THAP4: variants seen among roughly 807,000 people sequenced by gnomAD.
THAP4 encodes THAP domain containing 4, also known as peroxynitrite isomerase THAP4.
Under a neutral mutation model 48.1 loss-of-function variants are expected in THAP4, and 18 were observed. The ratio of observed to expected loss-of-function variants is 0.37; its 90% confidence interval spans 0.26 to 0.56. THAP4 has a LOEUF of 0.56. THAP4 is among the 20% of genes least tolerant of loss of function. The pLI, the probability that THAP4 is intolerant of heterozygous loss-of-function variation, is 0.78. For synonymous variants in THAP4, 345 were observed against 324.9 expected (o/e 1.06, Z -0.66); for missense variants, 656 against 774.9 (o/e 0.85, Z 1.82).
chr2:241,586,927 A>G (rs2066902537), intron 5 of THAP4, among the ~76,000 whole-genome samples: 1 of 152,212 alleles, frequency 6.6e-6, no homozygotes, highest in African/African-American at 2.4e-5. Flanking sequence ...AACACAAGCA[A>G]TATTTGAAAA....
intron 5 of THAP4, among the ~76,000 whole-genome samples, chr2:241,596,055 T>C (rs932201923): frequency 3.3e-5 from 5 of 152,218 alleles, no homozygotes; most frequent in African/African-American, 1.2e-4. Context: ...CTGACCGTGC[T>C]CCATGTCCTT....
At position 241,603,079 on chromosome 2, in the gene THAP4, C is replaced by T. The variant is rs2067137369; in HGVS notation, c.1401G>A (p.Ser467=). ...GCGTGTCCGGGTGGAAGGAGTTGAA[C>T]CTGGACGGGAAGTTGGAGTTGAGAA... ...SHVGQPMLNF[S]FNSFHPDTRK... is the part of the protein sequence containing the mutation. The change falls in exon 4 of 6, where the codon TCG becomes TCA. Residue 467 remains serine (S), a splice_region_variant and synonymous_variant. Transcript: ENST00000407315. 6.2e-7 allele frequency: 1 copy of T among 1,613,502 alleles called. No homozygotes were observed. Among genetic ancestry groups the T allele is most frequent in the Non-Finnish European group, 8.5e-7 (1 of 1,179,582 alleles).
At chr2:241,587,418 T>C (rs2066907549) in intron 5 of THAP4, among the ~76,000 whole-genome samples, 1 of 151,922 alleles carries the variant, frequency 6.6e-6, no homozygotes, top group Admixed American at 6.6e-5. Flanking sequence ...GGACCAAGAG[T>C]GACACCACTG....
At position 241,616,006 on chromosome 2, in the gene THAP4, G is replaced by T. The variant is rs2067340767; in HGVS notation, c.1241-9533C>A. 6.6e-6 allele frequency among the ~76,000 whole-genome samples: 1 copy of T among 152,216 alleles called. No individual in the cohort carries two copies. Among genetic ancestry groups the T allele is most frequent in the South Asian group, 2.1e-4 (1 of 4,834 alleles). ...GGACACACTCTGCCCCAGTCCTGCA[G>T]CTGGAGCAGCCCAGAGCCCCTGCCA... On this transcript the variant is annotated intron_variant, in intron 2 of 5. Coordinates refer to ENST00000407315, the MANE Select transcript of THAP4 (RefSeq NM_015963.6). This position sits in a 1 kb window ranked among gnomAD's most constrained non-coding sequence, Gnocchi z 4.6.
At position 241,625,797 on chromosome 2, in the gene THAP4, C is replaced by CAA. The variant is rs147602587; in HGVS notation, c.1240+7118_1240+7119dup. ...TGGGCAACAGAGCAAGACTCCGTCTCAAAAAAAAAAAAAAAAAAAAAAAAA... is the reference window on the plus strand; with the variant it reads ...TGGGCAACAGAGCAAGACTCCGTCTCAAAAAAAAAAAAAAAAAAAAAAAAAAA... On this transcript the variant is annotated intron_variant, in intron 2 of 5. Coordinates refer to ENST00000407315, the MANE Select transcript of THAP4 (RefSeq NM_015963.6). Among the ~76,000 whole-genome samples, 473 of 50,140 alleles carry CAA rather than the reference C, an allele frequency of 9.4e-3. 38 individuals carry two copies. The highest frequency in any genetic ancestry group is 9.5e-3 in the Non-Finnish European group (297 of 31,108). 32.9% of individuals were successfully genotyped at this position (50,140 alleles called of 152,430 possible).
intron 2 of THAP4, among the ~76,000 whole-genome samples, chr2:241,630,905 A>G (rs937578730): frequency 1.3e-5 from 2 of 151,846 alleles, no homozygotes; most frequent in South Asian, 2.1e-4. Context: ...AGGGGCCTGT[A>G]ATCCTAGCTC....
chr2:241,602,029 G>A (rs771881349), intron 4 of THAP4, 30 bp from the exon 5 acceptor site: 11 of 1,601,672 alleles, frequency 6.9e-6, no homozygotes, highest in African/African-American at 1.3e-5. Context: ...AGCTCACCCA[G>A]CAGCTGCTCG....
In THAP4 at chr2:241,637,029, G is replaced by T; in HGVS notation, c.-12C>A. 1.6e-6 allele frequency: 2 copies of T among 1,250,846 alleles called. No homozygotes were observed. Among genetic ancestry groups the T allele is most frequent in the East Asian group, 5.6e-5 (1 of 17,976 alleles). The allele number at this position is 1,250,846 out of a possible 1,614,324, so 77.5% of individuals were successfully genotyped here. A position where few individuals can be genotyped will look rare whatever the true frequency, so the allele number is the denominator to read the frequency against. On this transcript the variant is annotated 5_prime_UTR_variant, in exon 1 of 6. Coordinates refer to ENST00000407315, the MANE Select transcript of THAP4 (RefSeq NM_015963.6). ...CAGCAGATCACCATCGCGGGCCTTG[G>T]CCCAGCCGCGCAGCCAGGCCCCGGC...
chr2:241,624,766 T>C (rs945247153), intron 2 of THAP4, among the ~76,000 whole-genome samples: 1 of 152,250 alleles, frequency 6.6e-6, no homozygotes, highest in Non-Finnish European at 1.5e-5. Flanking sequence ...CTTCTGTTTA[T>C]GGCTTGGTCT....
At chr2:241,626,653 T>A (rs1452849848) in intron 2 of THAP4, among the ~76,000 whole-genome samples, 2 of 151,446 alleles carry the variant, frequency 1.3e-5, no homozygotes, top group African/African-American at 4.8e-5. Context: ...AACCTCCACC[T>A]CCCGGGTTCA....
In THAP4 at chr2:241,633,796, T is replaced by G. The variant is rs7424328; in HGVS notation, c.361A>C (p.Ser121Arg). Residue 121 changes from serine to arginine, a missense_variant, in exon 2 of 6, where the codon AGC becomes CGC. By Grantham distance (110) the Ser-to-Arg change is moderately radical. Transcript: ENST00000407315. The surrounding 1 kb of genome is among the most constrained non-coding windows in gnomAD (Gnocchi z 7.5). ...GVRGHSSAAT[S>R]RGAAGWSPSS... is the part of the protein sequence containing the mutation. ...GGTGACCAACCTGCAGCTCCTCTGC[T>G]GGTGGCGGCACTCGAGTGTCCCCTC... 6.2e-7 allele frequency: 1 copy of G among 1,613,230 alleles called. No homozygotes were observed. Among genetic ancestry groups the G allele is most frequent in the Non-Finnish European group, 8.5e-7 (1 of 1,179,488 alleles).
chr2:241,608,388 T>C (rs2067216147), intron 2 of THAP4, among the ~76,000 whole-genome samples: 1 of 152,264 alleles, frequency 6.6e-6, no homozygotes, highest in African/African-American at 2.4e-5. Flanking sequence ...TTTTTTGTTT[T>C]TCTTAAATGA....
At chr2:241,585,896 G>A (rs2066887542) in intron 5 of THAP4, among the ~76,000 whole-genome samples, 1 of 107,478 alleles carries the variant, frequency 9.3e-6, no homozygotes, top group Non-Finnish European at 1.8e-5. Flanking sequence ...CTGGGTGACA[G>A]AGCAAGACTC....
chr2:241,634,882 T>C (rs748361051), intron 1 of THAP4, among the ~76,000 whole-genome samples: 10 of 152,092 alleles, frequency 6.6e-5, no homozygotes, highest in Non-Finnish European at 1.2e-4. Context: ...CTGAATGAAA[T>C]AGGGCAGGTG....
intron 2 of THAP4, among the ~76,000 whole-genome samples, chr2:241,624,838 G>C (rs1326575532): frequency 2.0e-5 from 3 of 152,146 alleles, no homozygotes; most frequent in African/African-American, 7.2e-5. Flanking sequence ...ACATTCCAAG[G>C]GATTAGGAGC....
chr2:241,633,218 C>T lies in THAP4; in HGVS notation c.939G>A (p.Thr313=), dbSNP rs774130230. The change falls in exon 2 of 6, where the codon ACG becomes ACA. Residue 313 remains threonine (T), a synonymous_variant. Transcript: ENST00000407315. The surrounding 1 kb of genome is among the most constrained non-coding windows in gnomAD (Gnocchi z 7.5). ...PPADVTPKPA[T]EAVQSEHSDA... ...CGCTGTGCTCGCTCTGCACGGCTTCCGTGGCTGGCTTTGGGGTGACGTCGG... is the reference window on the plus strand; with the variant it reads ...CGCTGTGCTCGCTCTGCACGGCTTCTGTGGCTGGCTTTGGGGTGACGTCGG... 3.3e-5 allele frequency: 53 copies of T among 1,609,196 alleles called. No homozygotes were observed. The highest frequency in any genetic ancestry group is 1.8e-4 in the Admixed American group (11 of 59,642).
chr2:241,590,563 C>T (rs55770120), intron 5 of THAP4, among the ~76,000 whole-genome samples: 282 of 28,316 alleles, frequency 1.0e-2, no homozygotes, highest in African/African-American at 0.014. Context: ...TCAGAACTGC[C>T]CGGCTGATGA....
At chr2:241,615,717 C>G (rs2067331609) in intron 2 of THAP4, among the ~76,000 whole-genome samples, 1 of 152,240 alleles carries the variant, frequency 6.6e-6, no homozygotes, top group Non-Finnish European at 1.5e-5. Context: ...GGGCTGGAGC[C>G]ACACACAGCG....
At chr2:241,592,000 ACT>A (rs1327429072) in intron 5 of THAP4, 1 of 152,198 alleles carries the variant, frequency 6.6e-6, no homozygotes, top group East Asian at 1.9e-4. Context: ...CATATAAAGA[ACT>A]CTGACATGTC....
Sources: allele counts gnomAD v4.1 joint callset (sites outside exome capture counted in the v4.1 genomes callset), GRCh38; gene constraint gnomAD v4.1.1; non-coding constraint Gnocchi (gnomAD v3.1); transcripts MANE v1.5; gene names NCBI Gene and HGNC (gene_info 2026-07-23, HGNC 2026-07-21).